Variants in AGAP1 observed in about 807,000 individuals in gnomAD.
AGAP1 encodes arf-GAP with GTPase, ANK repeat and PH domain-containing protein 1.
AGAP1 carries 29 observed loss-of-function variants against 105.3 expected under a neutral mutation model. That is an observed-to-expected ratio of 0.28 (90% CI 0.21 to 0.38). The LOEUF (loss-of-function observed/expected upper bound fraction) is 0.38, where lower values mean the gene tolerates loss of function less well. AGAP1 is among the 10% of genes least tolerant of loss of function. AGAP1 has a pLI of 1.00. For missense variants in AGAP1, 998 were observed against 1,165.1 expected (o/e 0.86, Z 2.09); for synonymous variants, 509 against 485.9 (o/e 1.05, Z -0.63).
chr2:236,093,105 A>G (rs2059105846), intron 16 of AGAP1, among the ~76,000 whole-genome samples: 1 of 152,262 alleles, frequency 6.6e-6, no homozygotes, highest in South Asian at 2.1e-4. Flanking sequence ...CAGTAAACAG[A>G]GAGGATGAGG....
rs544784432 is a variant in AGAP1 at position 235,865,502 on chromosome 2, A to G, written c.1051-17843A>G. ...CCCTTTGTGCCCTGCAACCTGGCACAACGACAGAAATATTACTCGCCGGAA... is the reference window on the plus strand; with the variant it reads ...CCCTTTGTGCCCTGCAACCTGGCACGACGACAGAAATATTACTCGCCGGAA... On this transcript the variant is annotated intron_variant, in intron 9 of 17. Coordinates refer to ENST00000304032, the MANE Select transcript of AGAP1 (RefSeq NM_001037131.3). The surrounding 1 kb of genome is among the most constrained non-coding windows in gnomAD (Gnocchi z 6.2). Among the ~76,000 whole-genome samples, 3 of 152,318 alleles carry G rather than the reference A, an allele frequency of 2.0e-5. No individual in the cohort carries two copies. Among genetic ancestry groups the G allele is most frequent in the East Asian group, 1.9e-4 (1 of 5,182 alleles).
chr2:235,806,648 G>T (rs949229804), intron 8 of AGAP1, among the ~76,000 whole-genome samples: 2 of 152,172 alleles, frequency 1.3e-5, no homozygotes, highest in Non-Finnish European at 2.9e-5. Context: ...GCGATTATCA[G>T]GGGTTTTTTT....
chr2:235,675,190 GTTT>G (rs10714704), intron 1 of AGAP1, among the ~76,000 whole-genome samples: 25 of 127,246 alleles, frequency 2.0e-4, no homozygotes, highest in Non-Finnish European at 1.7e-4. Flanking sequence ...TGGTTGGTTG[GTTT>G]TTTTTTTTTT....
rs1220816391 is a variant in AGAP1 at position 235,891,493 on chromosome 2, G to A, written c.1155+8044G>A. The stretch of plus-strand genomic sequence containing the variant: ...AGAGTCCCTTTCTGTGGACTTAAAT[G>A]TGAGCCTTAGGGAGCACCTTGATAG... On this transcript the variant is annotated intron_variant, in intron 10 of 17. Coordinates refer to ENST00000304032, the MANE Select transcript of AGAP1 (RefSeq NM_001037131.3). This position sits in a 1 kb window ranked among gnomAD's most constrained non-coding sequence, Gnocchi z 4.2. Among the ~76,000 whole-genome samples, 1 of 152,182 alleles carries A rather than the reference G, an allele frequency of 6.6e-6. No individual in the cohort carries two copies. Among genetic ancestry groups the A allele is most frequent in the African/African-American group, 2.4e-5 (1 of 41,456 alleles).
In AGAP1 at chr2:235,900,208, G is replaced by C. The variant is rs932864533; in HGVS notation, c.1156-8530G>C. Among the ~76,000 whole-genome samples, 3 of 152,206 alleles carry C rather than the reference G, an allele frequency of 2.0e-5. No individual in the cohort carries two copies. The highest frequency in any genetic ancestry group is 1.3e-4 in the Admixed American group (2 of 15,280). On this transcript the variant is annotated intron_variant, in intron 10 of 17. Coordinates refer to ENST00000304032, the MANE Select transcript of AGAP1 (RefSeq NM_001037131.3). The surrounding 1 kb of genome is among the most constrained non-coding windows in gnomAD (Gnocchi z 5.5). ...CCCAATAAAGCATTTACTAAGTCAA[G>C]AATATTCCACACATACTCTTCCTTA...
At chr2:235,995,813 G>C (rs1443329121) in intron 13 of AGAP1, among the ~76,000 whole-genome samples, 1 of 152,174 alleles carries the variant, frequency 6.6e-6, no homozygotes, top group Non-Finnish European at 1.5e-5. Context: ...GGATGACCCT[G>C]TGGTGGTATT....
chr2:235,740,872 G>A lies in AGAP1; in HGVS notation c.311-91G>A, dbSNP rs1339480840. On this transcript the variant is annotated intron_variant, in intron 3 of 17. Transcript: ENST00000304032. This position sits in a 1 kb window ranked among gnomAD's most constrained non-coding sequence, Gnocchi z 5.7. ...AGTTGCCTCCAGGGCGACAGCCTAG[G>A]GTGTATTTTTCCACAAGCGAAGCCC... is the stretch of plus-strand genomic sequence containing the variant. 1.2e-5 allele frequency: 18 copies of A among 1,501,508 alleles called. No homozygotes were observed. The highest frequency in any genetic ancestry group is 1.7e-5 in the Admixed American group (1 of 59,054). 93.0% of individuals were successfully genotyped at this position (1,501,508 alleles called of 1,614,324 possible).
chr2:235,671,064 A>G, intron 1 of AGAP1: 1 of 1,265,350 alleles, frequency 7.9e-7, no homozygotes, highest in Non-Finnish European at 9.9e-7. Context: ...AGAGGTGGGC[A>G]GCGTGGCCGG....
chr2:235,809,677 G>A (rs141291267), intron 9 of AGAP1, among the ~76,000 whole-genome samples: 2 of 152,118 alleles, frequency 1.3e-5, no homozygotes, highest in South Asian at 2.1e-4. Flanking sequence ...CGGTTGTATC[G>A]ATCTATCTCA....
rs1236590718 is a variant in AGAP1 at position 235,964,632 on chromosome 2, A to G, written c.1484-3830A>G. Among the ~76,000 whole-genome samples, 1 of 152,206 alleles carries G rather than the reference A, an allele frequency of 6.6e-6. No homozygotes were observed. The highest frequency in any genetic ancestry group is 2.4e-5 in the African/African-American group (1 of 41,452). ...CCTGAACGTTATGAGGCTTCTGAACACTGTTAAATCATAAATAAAAATTAA... is the reference window on the plus strand; with the variant it reads ...CCTGAACGTTATGAGGCTTCTGAACGCTGTTAAATCATAAATAAAAATTAA... On this transcript the variant is annotated intron_variant, in intron 12 of 17. Coordinates refer to ENST00000304032, the MANE Select transcript of AGAP1 (RefSeq NM_001037131.3). This position sits in a 1 kb window ranked among gnomAD's most constrained non-coding sequence, Gnocchi z 4.6.
chr2:235,898,375 A>T (rs1211397392), intron 10 of AGAP1, among the ~76,000 whole-genome samples: 4 of 151,738 alleles, frequency 2.6e-5, no homozygotes, highest in African/African-American at 4.8e-5. Context: ...AAAATGTCTG[A>T]CTACCATATA....
At chr2:235,820,578 C>T (rs1958734506) in intron 9 of AGAP1, among the ~76,000 whole-genome samples, 1 of 152,294 alleles carries the variant, frequency 6.6e-6, no homozygotes, top group South Asian at 2.1e-4. Context: ...TTGTAATTGC[C>T]AAGTTTTTAC....
At chr2:236,063,926 A>G (rs1329953949) in intron 16 of AGAP1, among the ~76,000 whole-genome samples, 5 of 152,236 alleles carry the variant, frequency 3.3e-5, no homozygotes, top group African/African-American at 7.2e-5. Flanking sequence ...ACCCACTCAT[A>G]TAAAAAGCAT....
At position 235,769,561 on chromosome 2, in the gene AGAP1, AGTT is replaced by A. The variant is rs1480366199; in HGVS notation, c.673+19077_673+19079del. Among the ~76,000 whole-genome samples, 1 of 152,190 alleles carries A rather than the reference AGTT, an allele frequency of 6.6e-6. No individual in the cohort carries two copies. Among genetic ancestry groups the A allele is most frequent in the African/African-American group, 2.4e-5 (1 of 41,436 alleles). On this transcript the variant is annotated intron_variant, in intron 6 of 17. Transcript: ENST00000304032. The surrounding 1 kb of genome is among the most constrained non-coding windows in gnomAD (Gnocchi z 4.4). ...GGTTGTTAAAGAAATGCAAACAGTT[AGTT>A]GTTCCGTTCATGCTGTTGCGTGAGA... is the stretch of plus-strand genomic sequence containing the variant.
intron 13 of AGAP1, among the ~76,000 whole-genome samples, chr2:235,999,020 ATGG>A (rs1233801442): frequency 7.3e-6 from 1 of 137,738 alleles, no homozygotes; most frequent in African/African-American, 2.8e-5. Flanking sequence ...GTGAGAGTTA[ATGG>A]TGGTGGTGGT....
intron 13 of AGAP1, among the ~76,000 whole-genome samples, chr2:236,022,039 A>T (rs891733155): frequency 7.8e-5 from 10 of 128,944 alleles, no homozygotes; most frequent in Non-Finnish European, 1.6e-4. Context: ...AGTCTGGGCG[A>T]CAGAGACCCT....
rs1264472124 is a variant in AGAP1, at chr2:235,612,915, T to C, written c.164-96264T>C. 6.6e-6 allele frequency among the ~76,000 whole-genome samples: 1 copy of C among 152,226 alleles called. No homozygotes were observed. On this transcript the variant is annotated intron_variant, in intron 1 of 17. Transcript: ENST00000304032. This position sits in a 1 kb window ranked among gnomAD's most constrained non-coding sequence, Gnocchi z 4.3. Reference sequence around the variant, plus strand: ...CCTTTTATCTCTCCAATGTGAGGCATCTCTGATGATGCCTAAGGATGTCCT... The same window carrying C: ...CCTTTTATCTCTCCAATGTGAGGCACCTCTGATGATGCCTAAGGATGTCCT...
intron 1 of AGAP1, among the ~76,000 whole-genome samples, chr2:235,651,853 A>G (rs1398669303): frequency 6.6e-6 from 1 of 152,202 alleles, no homozygotes; most frequent in Non-Finnish European, 1.5e-5. Flanking sequence ...CTTGTTCCAG[A>G]AAGGATAAAG....
At chr2:236,116,332 C>T (rs1261547567) in intron 16 of AGAP1, among the ~76,000 whole-genome samples, 1 of 144,806 alleles carries the variant, frequency 6.9e-6, no homozygotes, top group Non-Finnish European at 1.5e-5. Context: ...TATTGGGGTA[C>T]AGGTGGTATT....
Sources: gnomAD v4.1 joint callset for allele counts (sites outside exome capture counted in the v4.1 genomes callset) on GRCh38, gnomAD v4.1.1 for gene constraint, Gnocchi (gnomAD v3.1) non-coding constraint, MANE v1.5 for transcripts, NCBI Gene and HGNC (gene_info 2026-07-23, HGNC 2026-07-21) for gene names.